Variants in UBE2K observed in about 807,000 individuals in gnomAD.
UBE2K encodes ubiquitin conjugating enzyme E2 K.
UBE2K carries 6 observed loss-of-function variants against 30.0 expected under a neutral mutation model. The ratio of observed to expected loss-of-function variants is 0.20; its 90% CI spans 0.11 to 0.39. UBE2K has a LOEUF of 0.39. Ranked by LOEUF, UBE2K falls within the 10% of genes least tolerant of loss-of-function variation. The pLI is 1.00. For missense variants in UBE2K, 61 were observed against 241.6 expected, an observed-to-expected ratio of 0.25 and a Z score of 4.96; for synonymous variants, 86 against 83.7, an observed-to-expected ratio of 1.03 and a Z score of -0.15.
At chr4:39,721,281 G>A (rs1453119213) in intron 1 of UBE2K, among the ~76,000 whole-genome samples, 1 of 152,086 alleles carries the variant, frequency 6.6e-6, no homozygotes, top group Non-Finnish European at 1.5e-5. Context: ...ATGAACTCAG[G>A]ATCATTTAGG....
intron 4 of UBE2K, among the ~76,000 whole-genome samples, chr4:39,768,276 C>CAAAAAAAAAAA (rs35596173): frequency 8.8e-6 from 1 of 113,582 alleles, no homozygotes; most frequent in African/African-American, 3.4e-5. Context: ...CCGTCTCTAC[C>CAAAAAAAAAAA]AAAAAAAAAA....
chr4:39,709,762 C>T (rs1180525828), intron 1 of UBE2K, among the ~76,000 whole-genome samples: 3 of 151,888 alleles, frequency 2.0e-5, no homozygotes, highest in East Asian at 1.9e-4. Flanking sequence ...AGTTATAAAT[C>T]GTTCAAAGTT....
At chr4:39,769,213 G>GTTTTTTTTTTTTTTCGTTTTTTTTTT (rs1712566882) in intron 4 of UBE2K, among the ~76,000 whole-genome samples, 5 of 128,686 alleles carry the variant, frequency 3.9e-5, no homozygotes, top group Admixed American at 7.9e-5. Flanking sequence ...GTTTCTTTTT[G>GTTTTTTTTTTTTTTCGTTTTTTTTTT]TTTTTTTTTT....
At chr4:39,721,444 C>G (rs1372599233) in intron 1 of UBE2K, among the ~76,000 whole-genome samples, 1 of 152,118 alleles carries the variant, frequency 6.6e-6, no homozygotes, top group Non-Finnish European at 1.5e-5. Flanking sequence ...GCCTCAAACT[C>G]CTGGTCTTAA....
chr4:39,771,916 C>T (rs1712902271), intron 4 of UBE2K, among the ~76,000 whole-genome samples: 1 of 152,108 alleles, frequency 6.6e-6, no homozygotes, highest in Non-Finnish European at 1.5e-5. Flanking sequence ...TCTGGACTCA[C>T]TATAACCTTC....
At chr4:39,759,176 C>T (rs1369180785) in intron 4 of UBE2K, among the ~76,000 whole-genome samples, 1 of 152,124 alleles carries the variant, frequency 6.6e-6, no homozygotes, top group Non-Finnish European at 1.5e-5. Context: ...TTTCAGCAGG[C>T]ATACTAGAAA....
chr4:39,731,986 T>C (rs181291616), intron 1 of UBE2K, among the ~76,000 whole-genome samples: 2 of 152,304 alleles, frequency 1.3e-5, no homozygotes, highest in Admixed American at 1.3e-4. Flanking sequence ...GATTTAAATT[T>C]TATTTTAGAG....
chr4:39,707,278 T>C (rs1332010149), intron 1 of UBE2K, among the ~76,000 whole-genome samples: 1 of 151,956 alleles, frequency 6.6e-6, no homozygotes, highest in Non-Finnish European at 1.5e-5. Context: ...GGTGACATGA[T>C]CTTGGCTCAC....
chr4:39,760,195 GA>G (rs71194914), intron 4 of UBE2K, among the ~76,000 whole-genome samples: 70,076 of 102,506 alleles, frequency 0.68, 21,468 homozygotes, highest in East Asian at 0.82. Flanking sequence ...AAAAAAAACA[GA>G]AAAAAAAAAA....
chr4:39,757,805 A>G (rs992946780), intron 4 of UBE2K, among the ~76,000 whole-genome samples: 1 of 152,208 alleles, frequency 6.6e-6, no homozygotes, highest in East Asian at 1.9e-4. Flanking sequence ...CTTCTAGGAC[A>G]TTAGATTTTC....
At chr4:39,760,758 C>G (rs1297944040) in intron 4 of UBE2K, among the ~76,000 whole-genome samples, 1 of 151,670 alleles carries the variant, frequency 6.6e-6, no homozygotes, top group African/African-American at 2.4e-5. Flanking sequence ...TTAGCTACAG[C>G]GAGACTCCGT....
chr4:39,749,662 G>C (rs1721154928), intron 3 of UBE2K, among the ~76,000 whole-genome samples: 1 of 151,882 alleles, frequency 6.6e-6, no homozygotes, highest in Non-Finnish European at 1.5e-5. Context: ...CTGGACAAGA[G>C]AGTAAGACTC....
At chr4:39,708,064 T>C (rs1718469123) in intron 1 of UBE2K, among the ~76,000 whole-genome samples, 2 of 151,762 alleles carry the variant, frequency 1.3e-5, no homozygotes, top group Non-Finnish European at 2.9e-5. Flanking sequence ...GCTCAGCTAA[T>C]TTTGTATTTT....
At chr4:39,709,084 A>G (rs958158210) in intron 1 of UBE2K, among the ~76,000 whole-genome samples, 2 of 152,016 alleles carry the variant, frequency 1.3e-5, no homozygotes, top group Non-Finnish European at 2.9e-5. Flanking sequence ...TTAAAACCTG[A>G]AGTACTGGCT....
At chr4:39,750,824 C>A (rs585756) in intron 3 of UBE2K, among the ~76,000 whole-genome samples, 1 of 151,532 alleles carries the variant, frequency 6.6e-6, no homozygotes, top group Non-Finnish European at 1.5e-5. Flanking sequence ...TGGCTCACTG[C>A]AACCTCTGCC....
At chr4:39,707,938 C>G (rs528163595) in intron 1 of UBE2K, among the ~76,000 whole-genome samples, 2 of 151,800 alleles carry the variant, frequency 1.3e-5, no homozygotes, top group East Asian at 3.9e-4. Flanking sequence ...CTCTTGTTGC[C>G]CAGGCTGGAG....
chr4:39,762,633 A>G (rs1712028558), intron 4 of UBE2K, among the ~76,000 whole-genome samples: 1 of 152,200 alleles, frequency 6.6e-6, no homozygotes, highest in South Asian at 2.1e-4. Context: ...AAGTTGCCAC[A>G]TACTTTTAAA....
chr4:39,744,329 T>C (rs888785109), intron 2 of UBE2K, among the ~76,000 whole-genome samples: 1 of 151,870 alleles, frequency 6.6e-6, no homozygotes, highest in Non-Finnish European at 1.5e-5. Flanking sequence ...TCCGCCACCA[T>C]GCCCAGCTAA....
chr4:39,728,831 T>TTTG (rs1029732524), intron 1 of UBE2K, among the ~76,000 whole-genome samples: 1 of 150,392 alleles, frequency 6.6e-6, no homozygotes, highest in East Asian at 2.0e-4. Context: ...TTTTTTGTTT[T>TTTG]TTTTTTTTTG....
Sources: gnomAD v4.1 joint callset for allele counts (sites outside exome capture counted in the v4.1 genomes callset) on GRCh38, gnomAD v4.1.1 for gene constraint, MANE v1.5 for transcripts, NCBI Gene and HGNC (gene_info 2026-07-23, HGNC 2026-07-21) for gene names.